RPH3AL: variants seen among roughly 807,000 people sequenced by gnomAD.
RPH3AL encodes the protein rab effector Noc2.
RPH3AL carries 38 observed loss-of-function variants against 43.1 expected under a neutral mutation model. The observed-to-expected ratio is 0.88, with a 90% CI of 0.68 to 1.15. The LOEUF is 1.15. Ranked by LOEUF, RPH3AL falls within the 50% of genes most tolerant of loss-of-function variation. RPH3AL has a pLI of 0.00. For missense variants in RPH3AL, 462 were observed against 423.2 expected, an observed-to-expected ratio of 1.09 and a Z score of -0.81; for synonymous variants, 189 against 176.3, an observed-to-expected ratio of 1.07 and a Z score of -0.57.
At position 219,687 on chromosome 17, in the gene RPH3AL, T is replaced by G; in HGVS notation, c.663A>C (p.Leu221=). ...CCCCAGTGGATGGGAGTCTGTCCTC[T>G]AGGCTGGAGGAGCTAAGATCCGAGT... The part of the protein sequence containing the change: ...DSDSDLSSSS[L]EDRLPSTGVR... Residue 221 remains leucine, a synonymous_variant, in exon 8 of 10, where the codon CTA becomes CTC. Coordinates refer to ENST00000331302, the MANE Select transcript of RPH3AL (RefSeq NM_006987.4). 1 of 1,613,730 alleles carries G rather than the reference T, an allele frequency of 6.2e-7. No homozygotes were observed. Among genetic ancestry groups the G allele is most frequent in the Non-Finnish European group, 8.5e-7 (1 of 1,179,876 alleles).
chr17:315,673 T>C (rs201851653), intron 5 of RPH3AL, among the ~76,000 whole-genome samples: 35 of 118,176 alleles, frequency 3.0e-4, no homozygotes, highest in South Asian at 5.4e-4. Context: ...CACTGACCTG[T>C]AGTCCCTGTG....
At chr17:334,202 C>T (rs916442609) in intron 1 of RPH3AL, 8 of 159,804 alleles carry the variant, frequency 5.0e-5, no homozygotes, top group Admixed American at 2.5e-4. Context: ...GGAAGCAGTG[C>T]GCATAGTCAT....
At chr17:327,408 A>T in intron 3 of RPH3AL, 59 bp downstream of exon 3, 1 of 1,433,910 alleles carries the variant, frequency 7.0e-7, no homozygotes, top group South Asian at 1.1e-5. Context: ...TGCTGAAGAC[A>T]GGAGAGGAGC....
At chr17:331,926 A>G (rs2044780017) in intron 2 of RPH3AL, 21 of 1,240,032 alleles carry the variant, frequency 1.7e-5, no homozygotes, top group Non-Finnish European at 2.1e-5. Context: ...AGGGCCTTAT[A>G]GAAGGTGAGT....
rs2041714551 is a variant in RPH3AL at position 245,025 on chromosome 17, T to C, written c.613+2086A>G. The stretch of plus-strand genomic sequence containing the variant: ...GGATATGAGTGTGTGTATGTGGATG[T>C]GTGTGTGGATGTGAGCACTATGTGT... On this transcript the variant is annotated intron_variant, in intron 7 of 9. Coordinates refer to ENST00000331302, the MANE Select transcript of RPH3AL (RefSeq NM_006987.4). The surrounding 1 kb of genome is among the most constrained non-coding windows in gnomAD (Gnocchi z 5.9). 6.6e-6 allele frequency among the ~76,000 whole-genome samples: 1 copy of C among 150,384 alleles called. No individual in the cohort carries two copies. The highest frequency in any genetic ancestry group is 1.5e-5 in the Non-Finnish European group (1 of 67,998).
chr17:334,250 A>C (rs1230331188), intron 1 of RPH3AL, among the ~76,000 whole-genome samples: 1 of 152,234 alleles, frequency 6.6e-6, no homozygotes, highest in African/African-American at 2.4e-5. Flanking sequence ...TGACCTTCCA[A>C]AACTCTCAGC....
rs369033888 is a variant in RPH3AL at position 218,684 on chromosome 17, C to G, written c.727+939G>C. ...TTTCCTTTCCTCTCCCAGGCCTTCT[C>G]TATACCAGTCTCAATGCCCCCGTTA... On this transcript the variant is annotated intron_variant, in intron 8 of 9. Transcript: ENST00000331302. 1.3e-4 allele frequency among the ~76,000 whole-genome samples: 20 copies of G among 152,344 alleles called. No individual in the cohort carries two copies. The East Asian group carries it at 2.9e-3, about 22-fold the overall frequency.
intron 5 of RPH3AL, among the ~76,000 whole-genome samples, chr17:285,307 T>C (rs12951184): frequency 0.94 from 143,889 of 152,268 alleles, 68,500 homozygotes; most frequent in East Asian, 1. Context: ...GGTTTGGGGA[T>C]GGCAGACCTG....
At chr17:228,669 A>G (rs1273052879) in intron 7 of RPH3AL, among the ~76,000 whole-genome samples, 1 of 152,106 alleles carries the variant, frequency 6.6e-6, no homozygotes, top group Non-Finnish European at 1.5e-5. Flanking sequence ...CAGAGCTGGG[A>G]TTTGAACCCA....
At chr17:348,111 C>T (rs972153031) in intron 1 of RPH3AL, among the ~76,000 whole-genome samples, 2 of 124,426 alleles carry the variant, frequency 1.6e-5, no homozygotes, top group Non-Finnish European at 3.5e-5. Context: ...AAAAAAAAAA[C>T]AGAGCTGGCA....
chr17:269,876 C>T (rs1567601554), intron 6 of RPH3AL, among the ~76,000 whole-genome samples: 1 of 152,158 alleles, frequency 6.6e-6, no homozygotes, highest in South Asian at 2.1e-4. Context: ...AGGTAGACGC[C>T]CCAGGCAAGG....
chr17:239,153 C>A (rs2041469199), intron 7 of RPH3AL, among the ~76,000 whole-genome samples: 1 of 152,146 alleles, frequency 6.6e-6, no homozygotes. Context: ...AAATCAATAC[C>A]CAGCGTCCAG....
In RPH3AL at chr17:215,276, G is replaced by C. The variant is rs2040769120; in HGVS notation, c.876+378C>G. 6.6e-6 allele frequency among the ~76,000 whole-genome samples: 1 copy of C among 152,180 alleles called. No individual in the cohort carries two copies. The highest frequency in any genetic ancestry group is 6.5e-5 in the Admixed American group (1 of 15,280). The stretch of plus-strand genomic sequence containing the variant: ...GGTGCAGGGCAGGGTGGGAGCCCAG[G>C]ATTCTCCCCTCACTCTCTCTCTGTG... On this transcript the variant is annotated intron_variant, in intron 9 of 9. Transcript: ENST00000331302. The surrounding 1 kb of genome is among the most constrained non-coding windows in gnomAD (Gnocchi z 4.1).
intron 1 of RPH3AL, chr17:352,448 C>T (rs2151741051): frequency 6.6e-6 from 1 of 151,866 alleles, no homozygotes; most frequent in East Asian, 1.9e-4. Context: ...GCTGCCTCTT[C>T]TTTAGAAGCA....
At position 273,396 on chromosome 17, in the gene RPH3AL, AGCGAGGGTGACGTCAGGGTGAGACCCCG is replaced by A. The variant is rs2042565968; in HGVS notation, c.438+8344_438+8371del. Among the ~76,000 whole-genome samples the A allele has an allele frequency of 3.7e-5, 2 of 53,378 alleles. 1 individual carries two copies. Among genetic ancestry groups the A allele is most frequent in the Non-Finnish European group, 9.3e-5 (2 of 21,548 alleles). 35.0% of individuals were successfully genotyped at this position (53,378 alleles called of 152,430 possible). On this transcript the variant is annotated intron_variant, in intron 6 of 9. Transcript: ENST00000331302. ...GAGGGTGACGTCAGGGAGAGACCCC[AGCGAGGGTGACGTCAGGGTGAGACCCCG>A]GCGAGGGCGACGTCAGGAAGAGACC...
At chr17:253,519 G>C (rs1398386360) in intron 6 of RPH3AL, among the ~76,000 whole-genome samples, 6 of 152,148 alleles carry the variant, frequency 3.9e-5, no homozygotes, top group African/African-American at 1.2e-4. Context: ...AATTAAAAAT[G>C]TTTCCATTGT....
chr17:344,404 C>T (rs1020932700), intron 1 of RPH3AL, among the ~76,000 whole-genome samples: 1 of 131,750 alleles, frequency 7.6e-6, no homozygotes, highest in African/African-American at 2.6e-5. Context: ...ACATCATCAC[C>T]ATCATCACCC....
At chr17:242,747 CCTTCCTCTATTGATTA>C (rs2041593779) in intron 7 of RPH3AL, among the ~76,000 whole-genome samples, 2 of 83,124 alleles carry the variant, frequency 2.4e-5, no homozygotes, top group African/African-American at 4.7e-5. Flanking sequence ...CTATTGATTA[CCTTCCTCTATTGATTA>C]CCTTCCTCTA....
In RPH3AL at chr17:225,533, G is replaced by A. The variant is rs2041088471; in HGVS notation, c.614-5797C>T. ...CAGGGATTCCTGCTGGGCTCCTGGA[G>A]CAAGTTGTTCCCATGTTGCCCTTGG... On this transcript the variant is annotated intron_variant, in intron 7 of 9. Transcript: ENST00000331302. The surrounding 1 kb of genome is among the most constrained non-coding windows in gnomAD (Gnocchi z 4.4). Among the ~76,000 whole-genome samples the A allele has an allele frequency of 6.6e-6, 1 of 152,320 alleles. No individual in the cohort carries two copies. The highest frequency in any genetic ancestry group is 1.9e-4 in the East Asian group (1 of 5,172).
Sources: allele counts gnomAD v4.1 joint callset (sites outside exome capture counted in the v4.1 genomes callset), GRCh38; gene constraint gnomAD v4.1.1; non-coding constraint Gnocchi (gnomAD v3.1); transcripts MANE v1.5; gene names NCBI Gene and HGNC (gene_info 2026-07-23, HGNC 2026-07-21).